Variants in KDM4C observed in about 807,000 individuals in gnomAD.
KDM4C encodes lysine-specific demethylase 4C.
KDM4C carries 81 observed loss-of-function variants against 129.3 expected under a neutral mutation model. The ratio of observed to expected loss-of-function variants is 0.63; its 90% CI spans 0.52 to 0.75. KDM4C has a LOEUF of 0.75. KDM4C is among the 30% of genes least tolerant of loss of function. The pLI is 0.00. For synonymous variants in KDM4C, 573 were observed against 456.1 expected (o/e 1.26, Z -3.26); for missense variants, 1,457 against 1,304.0 (o/e 1.12, Z -1.81).
Position 6,953,845 on chromosome 9 carries a change from C to G in KDM4C, c.922-27080C>G, listed in dbSNP as rs191509361. Among the ~76,000 whole-genome samples, 458 of 152,344 alleles carry G rather than the reference C, an allele frequency of 3.0e-3. 1 individual carries two copies. Among genetic ancestry groups the G allele is most frequent in the African/African-American group, 0.01 (436 of 41,580 alleles). On this transcript the variant is annotated intron_variant, in intron 8 of 21. Transcript: ENST00000381309. ...TATTCTCTGCTTCCTGCTGCCTCAT[C>G]ATCATTACATATTCACTTCTTGACC... is the stretch of plus-strand genomic sequence containing the variant.
intron 13 of KDM4C, among the ~76,000 whole-genome samples, chr9:7,013,548 G>T (rs1007093529): frequency 6.6e-6 from 1 of 152,210 alleles, no homozygotes; most frequent in Non-Finnish European, 1.5e-5. Context: ...TTAGTAGCCA[G>T]TTGCTTTCTT....
chr9:6,909,098 T>C (rs1449440706), intron 8 of KDM4C, among the ~76,000 whole-genome samples: 1 of 152,162 alleles, frequency 6.6e-6, no homozygotes, highest in Non-Finnish European at 1.5e-5. Context: ...CTTTTGAAAA[T>C]AAAACAAATA....
intron 2 of KDM4C, among the ~76,000 whole-genome samples, chr9:6,802,187 A>G (rs1829123929): frequency 6.6e-6 from 1 of 152,224 alleles, no homozygotes; most frequent in Non-Finnish European, 1.5e-5. Flanking sequence ...GAAAATACAA[A>G]TAAAATTCAC....
intron 14 of KDM4C, 69 bp from the exon 15 acceptor site, chr9:7,015,784 G>C (rs967104083): frequency 1.9e-6 from 2 of 1,036,274 alleles, no homozygotes; most frequent in Non-Finnish European, 3.0e-6. Flanking sequence ...ATTTATTTCA[G>C]TACTGAGATC....
intron 19 of KDM4C, among the ~76,000 whole-genome samples, chr9:7,137,753 C>T (rs1388832435): frequency 6.6e-6 from 1 of 152,240 alleles, no homozygotes; most frequent in Non-Finnish European, 1.5e-5. Context: ...AAGCCATTAT[C>T]TTTCACCTCT....
chr9:6,856,595 A>G (rs1459864725), intron 5 of KDM4C, among the ~76,000 whole-genome samples: 1 of 139,364 alleles, frequency 7.2e-6, no homozygotes, highest in East Asian at 2.2e-4. Context: ...TTTTTTTGAG[A>G]CAGAGTCTCA....
intron 18 of KDM4C, among the ~76,000 whole-genome samples, chr9:7,111,240 T>C: frequency 6.6e-6 from 1 of 151,874 alleles, no homozygotes; most frequent in East Asian, 1.9e-4. Flanking sequence ...TAGGTATAGG[T>C]TGAGCATCCA....
chr9:6,881,913 A>G (rs1393485584), intron 6 of KDM4C, among the ~76,000 whole-genome samples: 1 of 152,238 alleles, frequency 6.6e-6, no homozygotes, highest in Non-Finnish European at 1.5e-5. Flanking sequence ...TAGAATGTCT[A>G]GCTGATAGCA....
chr9:6,834,043 C>CT (rs71487860), intron 4 of KDM4C, among the ~76,000 whole-genome samples: 2,696 of 109,444 alleles, frequency 0.025, 116 homozygotes, highest in African/African-American at 0.03. Context: ...AAGAGATAGT[C>CT]TTTTTTTTTT....
At chr9:6,911,287 C>T (rs1471479431) in intron 8 of KDM4C, among the ~76,000 whole-genome samples, 2 of 152,036 alleles carry the variant, frequency 1.3e-5, no homozygotes, top group Admixed American at 6.6e-5. Context: ...AAATGATCAG[C>T]GATGAGGAAT....
At chr9:6,919,475 T>C (rs1457919865) in intron 8 of KDM4C, among the ~76,000 whole-genome samples, 4 of 151,860 alleles carry the variant, frequency 2.6e-5, no homozygotes, top group African/African-American at 9.7e-5. Flanking sequence ...TCTTTGTTTT[T>C]CTATTTAACA....
chr9:6,866,269 A>T (rs1402049743), intron 5 of KDM4C, among the ~76,000 whole-genome samples: 3 of 151,500 alleles, frequency 2.0e-5, no homozygotes, highest in African/African-American at 7.3e-5. Context: ...GATATTCTTG[A>T]CCCTTCTTTC....
chr9:6,854,336 C>T (rs942708534), intron 5 of KDM4C, among the ~76,000 whole-genome samples: 1 of 151,920 alleles, frequency 6.6e-6, no homozygotes, highest in African/African-American at 2.4e-5. Flanking sequence ...CGAGACCAGC[C>T]TCAACATGAA....
In KDM4C at chr9:7,170,564, A is replaced by T. The variant is rs985510193; in HGVS notation, c.2994+674A>T. On this transcript the variant is annotated intron_variant, in intron 21 of 21. Coordinates refer to ENST00000381309, the MANE Select transcript of KDM4C (RefSeq NM_015061.6). ...TATAATTCACAATAATTTAGACTTC[A>T]TATTATTGTATCATAAAATATTCAG... 2.4e-5 allele frequency: 23 copies of T among 954,130 alleles called. No homozygotes were observed. In the South Asian group the frequency reaches 9.7e-4, roughly 40 times the overall value. 59.1% of individuals were successfully genotyped at this position (954,130 alleles called of 1,614,324 possible). A position where few individuals can be genotyped will look rare whatever the true frequency, so the allele number is the denominator to read the frequency against.
intron 5 of KDM4C, among the ~76,000 whole-genome samples, chr9:6,849,933 A>G (rs1476819020): frequency 1.3e-5 from 2 of 152,238 alleles, no homozygotes; most frequent in African/African-American, 2.4e-5. Flanking sequence ...GTTTAGATCA[A>G]TGATGGACCA....
chr9:7,082,421 C>T (rs1395782616), intron 17 of KDM4C, among the ~76,000 whole-genome samples: 1 of 152,168 alleles, frequency 6.6e-6, no homozygotes, highest in Non-Finnish European at 1.5e-5. Context: ...GAAGGCACCC[C>T]GTTAAGAATG....
chr9:6,803,502 G>A (rs1261580204), intron 2 of KDM4C, among the ~76,000 whole-genome samples: 3 of 151,702 alleles, frequency 2.0e-5, no homozygotes, highest in Non-Finnish European at 4.4e-5. Context: ...CCCGGGAGGT[G>A]GAGGTTGCGG....
At position 7,060,451 on chromosome 9, in the gene KDM4C, G is replaced by GTTATTATTA. The variant is rs1164003659; in HGVS notation, c.2424+11253_2424+11254insATTATTATT. ...TCAGGGATGACTTTTTAGCAGTATT[G>GTTATTATTA]TTGTTATTATTATTATTATTATTAT... On this transcript the variant is annotated intron_variant, in intron 17 of 21. Transcript: ENST00000381309. Among the ~76,000 whole-genome samples, 797 of 138,244 alleles carry GTTATTATTA rather than the reference G, an allele frequency of 5.8e-3. 4 individuals carry two copies. Among genetic ancestry groups the GTTATTATTA allele is most frequent in the Middle Eastern group, 0.011 (3 of 262 alleles). The allele number at this position is 138,244 out of a possible 152,430, so 90.7% of individuals were successfully genotyped here. A position where few individuals can be genotyped will look rare whatever the true frequency, so the allele number is the denominator to read the frequency against.
intron 5 of KDM4C, among the ~76,000 whole-genome samples, chr9:6,854,424 C>G (rs760932914): frequency 6.8e-6 from 1 of 147,398 alleles, no homozygotes; most frequent in East Asian, 2.0e-4. Flanking sequence ...ACTCGGGAGA[C>G]TGAGGAAGGA....
Sources: allele counts gnomAD v4.1 joint callset (sites outside exome capture counted in the v4.1 genomes callset), GRCh38; gene constraint gnomAD v4.1.1; transcripts MANE v1.5; gene names NCBI Gene and HGNC (gene_info 2026-07-23, HGNC 2026-07-21).